AGMO: variants seen among roughly 807,000 people sequenced by gnomAD.
The protein encoded by AGMO is glyceryl-ether monooxygenase.
A neutral mutation model predicts 60.2 loss-of-function variants in AGMO; 75 were observed. The observed-to-expected ratio is 1.25, with a 90% CI of 1.03 to 1.51. The LOEUF is 1.51. AGMO is among the 40% of genes most tolerant of loss of function. The pLI is 0.00. For synonymous variants in AGMO, 261 were observed against 177.1 expected (o/e 1.47, Z -3.76); for missense variants, 763 against 525.5 (o/e 1.45, Z -4.42).
the AGMO span, among the ~76,000 whole-genome samples, chr7:15,155,870 A>G: frequency 4.6e-5 from 7 of 151,996 alleles, no homozygotes; most frequent in East Asian, 1.4e-3. Context: ...CCTTTAGTTT[A>G]TTTGCTTTGT....
chr7:15,465,193 C>T (rs764405579), intron 3 of AGMO, among the ~76,000 whole-genome samples: 10 of 152,038 alleles, frequency 6.6e-5, no homozygotes, highest in Non-Finnish European at 1.0e-4. Context: ...TTACCTATTG[C>T]GAGCCGAACT....
chr7:15,380,781 A>G (rs1298632532), intron 10 of AGMO, among the ~76,000 whole-genome samples: 2 of 152,214 alleles, frequency 1.3e-5, no homozygotes, highest in African/African-American at 4.8e-5. Context: ...ACTTTGAACT[A>G]CACTACAGGT....
At chr7:15,331,512 G>C (rs892792844) in intron 12 of AGMO, among the ~76,000 whole-genome samples, 8 of 152,196 alleles carry the variant, frequency 5.3e-5, no homozygotes, top group African/African-American at 1.4e-4. Flanking sequence ...TAGAAGCCCT[G>C]TGTGAAAACA....
chr7:15,341,830 C>A (rs1287300205), intron 12 of AGMO, among the ~76,000 whole-genome samples: 1 of 152,038 alleles, frequency 6.6e-6, no homozygotes, highest in Non-Finnish European at 1.5e-5. Context: ...AGGCAGCTAG[C>A]AAGAGGGTGT....
At chr7:15,266,850 C>T (rs1783446907) in intron 12 of AGMO, among the ~76,000 whole-genome samples, 1 of 151,506 alleles carries the variant, frequency 6.6e-6, no homozygotes, top group African/African-American at 2.4e-5. Context: ...ATGACATCAC[C>T]TAATATTTAC....
chr7:15,465,762 C>T (rs1042628896), intron 3 of AGMO, among the ~76,000 whole-genome samples: 2 of 151,696 alleles, frequency 1.3e-5, no homozygotes, highest in Non-Finnish European at 2.9e-5. Context: ...ATTTAAGAGT[C>T]AATCTATGCT....
chr7:15,365,397 A>AAAAAGATT, intron 12 of AGMO, 117 bp downstream of exon 12: 1 of 486,326 alleles, frequency 2.1e-6, no homozygotes, highest in Non-Finnish European at 3.6e-6. Flanking sequence ...AAAAAAAAAG[A>AAAAAGATT]TCAAGATTTC....
intron 3 of AGMO, among the ~76,000 whole-genome samples, chr7:15,482,224 G>A (rs761753619): frequency 1.2e-4 from 18 of 151,808 alleles, no homozygotes; most frequent in Non-Finnish European, 1.8e-4. Context: ...ACCAAAAGAT[G>A]GTTTTCTGAA....
intron 5 of AGMO, among the ~76,000 whole-genome samples, chr7:15,403,976 G>A (rs1205624476): frequency 6.6e-6 from 1 of 151,868 alleles, no homozygotes; most frequent in Non-Finnish European, 1.5e-5. Context: ...TTTATTCACG[G>A]CCAAATGTTT....
chr7:15,455,079 TCTCACA>T (rs1269334776), intron 3 of AGMO, among the ~76,000 whole-genome samples: 2 of 104,164 alleles, frequency 1.9e-5, no homozygotes, highest in African/African-American at 7.7e-5. Context: ...TCTCTCTCTT[TCTCACA>T]CACACACACA....
the AGMO span, among the ~76,000 whole-genome samples, chr7:15,136,505 A>T: frequency 1.1e-4 from 17 of 151,658 alleles, no homozygotes; most frequent in African/African-American, 3.6e-4. Flanking sequence ...TTTTTTTTTT[A>T]AAAGGAGCAT....
chr7:15,537,834 A>G (rs1010718536), intron 3 of AGMO, among the ~76,000 whole-genome samples: 3 of 152,164 alleles, frequency 2.0e-5, no homozygotes, highest in Non-Finnish European at 4.4e-5. Flanking sequence ...TGCTATTGAT[A>G]AGAATATGCT....
chr7:15,327,669 G>T (rs929102180), intron 12 of AGMO, among the ~76,000 whole-genome samples: 6 of 151,498 alleles, frequency 4.0e-5, no homozygotes, highest in African/African-American at 1.2e-4. Context: ...TACGTTGAGG[G>T]TATATGTAAT....
At chr7:15,416,298 T>C (rs964716097) in intron 5 of AGMO, among the ~76,000 whole-genome samples, 3 of 152,250 alleles carry the variant, frequency 2.0e-5, no homozygotes, top group South Asian at 2.1e-4. Flanking sequence ...CCTCCCAAAA[T>C]GTTGGGATTA....
chr7:15,538,943 G>T (rs1784547336), intron 3 of AGMO, among the ~76,000 whole-genome samples: 1 of 152,056 alleles, frequency 6.6e-6, no homozygotes, highest in African/African-American at 2.4e-5. Context: ...TAAGCAATGT[G>T]TTGAGGAAAA....
intron 2 of AGMO, among the ~76,000 whole-genome samples, chr7:15,547,286 G>A (rs960738651): frequency 1.3e-5 from 2 of 152,104 alleles, no homozygotes; most frequent in African/African-American, 4.8e-5. Flanking sequence ...TGAAACAACT[G>A]ATCTGGAAGA....
intron 3 of AGMO, among the ~76,000 whole-genome samples, chr7:15,490,485 T>C (rs967461041): frequency 6.6e-6 from 1 of 152,180 alleles, no homozygotes; most frequent in Non-Finnish European, 1.5e-5. Context: ...CCAAAGGTTT[T>C]TTCTAGAGTT....
At chr7:15,288,190 A>AT (rs1205288689) in intron 12 of AGMO, among the ~76,000 whole-genome samples, 2 of 151,850 alleles carry the variant, frequency 1.3e-5, no homozygotes, top group Admixed American at 6.6e-5. Flanking sequence ...CGCCCGGCTA[A>AT]TTTTTTTTAT....
chr7:15,177,551 G>T, the AGMO span, among the ~76,000 whole-genome samples: 1 of 151,978 alleles, frequency 6.6e-6, no homozygotes, highest in African/African-American at 2.4e-5. Flanking sequence ...CTTCTGGTAG[G>T]AAAGTAACAG....
Sources: allele counts gnomAD v4.1 joint callset (sites outside exome capture counted in the v4.1 genomes callset), GRCh38; gene constraint gnomAD v4.1.1; transcripts MANE v1.5; gene names NCBI Gene and HGNC (gene_info 2026-07-23, HGNC 2026-07-21).